The following RALGPS2 variants were observed in gnomAD, a reference collection of about 807,000 sequenced individuals.
The protein encoded by RALGPS2 is Ral GEF with PH domain and SH3 binding motif 2.
A neutral mutation model predicts 86.8 loss-of-function variants in RALGPS2; 43 were observed. The observed-to-expected ratio is 0.50, with a 90% CI of 0.39 to 0.64. RALGPS2 has a LOEUF of 0.64. RALGPS2 is among the 30% of genes least tolerant of loss of function. The probability of loss-of-function intolerance (pLI) is 0.00; values close to 1 mark genes in which losing one functional copy is unlikely to be tolerated. For missense variants in RALGPS2, 536 were observed against 694.6 expected (o/e 0.77, Z 2.57); for synonymous variants, 243 against 231.3 (o/e 1.05, Z -0.46).
In RALGPS2 at chr1:178,919,076, G is replaced by A. The variant is rs1474559630; in HGVS notation, c.*2717G>A. 2 of 152,006 alleles carry A rather than the reference G, an allele frequency of 1.3e-5. No individual in the cohort carries two copies. The highest frequency in any genetic ancestry group is 2.9e-5 in the Non-Finnish European group (2 of 67,928). The allele number at this position is 152,006 out of a possible 1,614,324, so 9.4% of individuals were successfully genotyped here. A position where few individuals can be genotyped will look rare whatever the true frequency, so the allele number is the denominator to read the frequency against. Reference sequence around the variant, plus strand: ...ATATAGCCTGTTGAAAATAACTACAGAATGACCTTCCAGAGCACTGTTTTT... The same window carrying A: ...ATATAGCCTGTTGAAAATAACTACAAAATGACCTTCCAGAGCACTGTTTTT... On this transcript the variant is annotated 3_prime_UTR_variant, in exon 20 of 20. Coordinates refer to ENST00000367635, the MANE Select transcript of RALGPS2 (RefSeq NM_152663.5).
At chr1:178,746,728 A>G in intron 1 of RALGPS2, 1 of 780,814 alleles carries the variant, frequency 1.3e-6, no homozygotes, top group Non-Finnish European at 2.4e-6. Flanking sequence ...GTTCATTCTC[A>G]TTTAGCCTCT....
chr1:178,875,757 T>A (rs1053091082), intron 8 of RALGPS2, among the ~76,000 whole-genome samples: 14 of 148,998 alleles, frequency 9.4e-5, no homozygotes, highest in African/African-American at 3.5e-4. Flanking sequence ...AAAAAAAAAA[T>A]GGTTTAAAAA....
intron 19 of RALGPS2, among the ~76,000 whole-genome samples, chr1:178,911,840 A>G (rs1432967473): frequency 1.3e-5 from 2 of 152,088 alleles, no homozygotes; most frequent in African/African-American, 2.4e-5. Context: ...GTAGTTATCT[A>G]AGTCTCTTTG....
At chr1:178,809,155 ATTC>A (rs1360147801) in intron 5 of RALGPS2, among the ~76,000 whole-genome samples, 2 of 152,160 alleles carry the variant, frequency 1.3e-5, no homozygotes, top group African/African-American at 4.8e-5. Context: ...CAGTCTACAA[ATTC>A]TTATGAAAGA....
chr1:178,902,377 A>G (rs1660213981), intron 18 of RALGPS2, among the ~76,000 whole-genome samples, 166 bp downstream of exon 18: 1 of 152,114 alleles, frequency 6.6e-6, no homozygotes, highest in African/African-American at 2.4e-5. Flanking sequence ...GAGAGAAAGT[A>G]TTTGTGTAGT....
intron 16 of RALGPS2, among the ~76,000 whole-genome samples, chr1:178,894,796 A>G (rs1474010768): frequency 1.3e-5 from 2 of 152,070 alleles, no homozygotes; most frequent in African/African-American, 4.8e-5. Context: ...TTTCTGTTAA[A>G]TCATGTGTTA....
intron 1 of RALGPS2, among the ~76,000 whole-genome samples, chr1:178,769,954 C>T (rs1652708090): frequency 6.6e-6 from 1 of 151,646 alleles, no homozygotes; most frequent in African/African-American, 2.4e-5. Flanking sequence ...CTCTGGGTGT[C>T]GTTTATGATT....
intron 4 of RALGPS2, among the ~76,000 whole-genome samples, chr1:178,801,254 GGTCTCT>G (rs1654457626): frequency 6.6e-6 from 1 of 151,866 alleles, no homozygotes; most frequent in African/African-American, 2.4e-5. Flanking sequence ...TGCATATGTG[GGTCTCT>G]TTTTTGTTCA....
chr1:178,786,474 G>A (rs1653653579), intron 4 of RALGPS2, among the ~76,000 whole-genome samples: 1 of 151,894 alleles, frequency 6.6e-6, no homozygotes, highest in Non-Finnish European at 1.5e-5. Flanking sequence ...GAAAACAAAG[G>A]GACTGGCGTT....
At chr1:178,865,501 G>GAGCA in intron 8 of RALGPS2, 1 of 1,614,064 alleles carries the variant, frequency 6.2e-7, no homozygotes. Flanking sequence ...TCTGCCTGGA[G>GAGCA]AGCACATCCT....
Position 178,897,358 on chromosome 1 carries a change from T to C in RALGPS2, c.1432-306T>C, listed in dbSNP as rs969903342. On this transcript the variant is annotated intron_variant, in intron 16 of 19. Coordinates refer to ENST00000367635, the MANE Select transcript of RALGPS2 (RefSeq NM_152663.5). ...TTGGTGGGACTGTAAAGCAAACTTC[T>C]TTAAAAAGTGAGAGAGAGTTGGAAT... is the stretch of plus-strand genomic sequence containing the variant. 3.9e-5 allele frequency among the ~76,000 whole-genome samples: 6 copies of C among 152,192 alleles called. No homozygotes were observed. In the South Asian group the frequency reaches 1.2e-3, roughly 31 times the overall value.
intron 5 of RALGPS2, among the ~76,000 whole-genome samples, chr1:178,810,735 T>A (rs1215860161): frequency 1.3e-5 from 2 of 152,056 alleles, no homozygotes. Flanking sequence ...TCTGAAATAT[T>A]TCTCATTAAA....
At chr1:178,744,729 A>G (rs1277021210) in intron 1 of RALGPS2, among the ~76,000 whole-genome samples, 2 of 150,754 alleles carry the variant, frequency 1.3e-5, no homozygotes, top group African/African-American at 4.9e-5. Context: ...AGGCAGGAGG[A>G]TCACTTGAAA....
At chr1:178,846,522 C>T (rs1343837299) in intron 8 of RALGPS2, among the ~76,000 whole-genome samples, 5 of 151,970 alleles carry the variant, frequency 3.3e-5, no homozygotes, top group Non-Finnish European at 7.4e-5. Flanking sequence ...TATTTTTTTA[C>T]CCTCACTCTT....
chr1:178,900,881 C>T (rs754690231), intron 17 of RALGPS2, among the ~76,000 whole-genome samples: 5 of 151,960 alleles, frequency 3.3e-5, no homozygotes, highest in Admixed American at 6.6e-5. Context: ...GTTTCTGAAG[C>T]AGTTTATGTT....
At chr1:178,781,764 A>G (rs1490490962) in intron 2 of RALGPS2, among the ~76,000 whole-genome samples, 3 of 152,206 alleles carry the variant, frequency 2.0e-5, no homozygotes, top group African/African-American at 7.2e-5. Flanking sequence ...TTGGACAGCT[A>G]TTGGATTAGT....
At chr1:178,853,086 T>C (rs1657291397) in intron 8 of RALGPS2, 1 of 1,437,050 alleles carries the variant, frequency 7.0e-7, no homozygotes, top group Non-Finnish European at 9.1e-7. Flanking sequence ...TCCATTTTAG[T>C]TGGTCACTTG....
chr1:178,892,407 TA>T, intron 15 of RALGPS2, 100 bp downstream of exon 15: 1 of 947,730 alleles, frequency 1.1e-6, no homozygotes, highest in Non-Finnish European at 1.6e-6. Context: ...CTTTCTCAAC[TA>T]ATTGATTTAA....
chr1:178,790,078 A>G (rs529456466), intron 4 of RALGPS2, among the ~76,000 whole-genome samples: 28 of 152,208 alleles, frequency 1.8e-4, no homozygotes, highest in Admixed American at 1.4e-3. Flanking sequence ...CCTCCCAAGT[A>G]GCTGGGACCA....
Sources: allele counts gnomAD v4.1 joint callset (sites outside exome capture counted in the v4.1 genomes callset), GRCh38; gene constraint gnomAD v4.1.1; transcripts MANE v1.5; gene names NCBI Gene and HGNC (gene_info 2026-07-23, HGNC 2026-07-21).